Variants in CTIF observed in about 807,000 individuals in gnomAD.
CTIF encodes cap binding complex dependent translation initiation factor.
In CTIF, 21 loss-of-function variants were observed where a neutral mutation model predicts 66.0. The ratio of observed to expected loss-of-function variants is 0.32; its 90% CI spans 0.23 to 0.46. The LOEUF (loss-of-function observed/expected upper bound fraction) is 0.46, where lower values mean the gene tolerates loss of function less well. Ranked by LOEUF, CTIF falls within the 20% of genes least tolerant of loss-of-function variation. The probability of loss-of-function intolerance (pLI) is 1.00; values close to 1 mark genes in which losing one functional copy is unlikely to be tolerated. For synonymous variants in CTIF, 345 were observed against 326.4 expected (o/e 1.06, Z -0.62); for missense variants, 739 against 812.7 (o/e 0.91, Z 1.10).
intron 10 of CTIF, among the ~76,000 whole-genome samples, chr18:48,820,484 C>G (rs1039981553): frequency 1.3e-5 from 2 of 152,044 alleles, no homozygotes; most frequent in African/African-American, 4.8e-5. Flanking sequence ...GCCCTGAGAT[C>G]CCCCCAACTC....
intron 10 of CTIF, among the ~76,000 whole-genome samples, chr18:48,817,854 T>G (rs2068402414): frequency 6.6e-6 from 1 of 151,904 alleles, no homozygotes; most frequent in South Asian, 2.1e-4. Flanking sequence ...AGCCAGGTCT[T>G]TCTTCGTTGG....
At chr18:48,730,164 A>AGGGCCTCCACAGTGTGAG (rs1436700829) in intron 7 of CTIF, among the ~76,000 whole-genome samples, 2 of 151,706 alleles carry the variant, frequency 1.3e-5, no homozygotes, top group Non-Finnish European at 2.9e-5. Context: ...CATGTGGTGA[A>AGGGCCTCCACAGTGTGAG]GGGCCTCCAC....
At chr18:48,726,670 C>T (rs1316206956) in intron 7 of CTIF, among the ~76,000 whole-genome samples, 2 of 152,130 alleles carry the variant, frequency 1.3e-5, no homozygotes, top group Non-Finnish European at 2.9e-5. Flanking sequence ...AGCAGACAGA[C>T]AGACACCAAG....
chr18:48,604,492 A>G (rs902910839), intron 1 of CTIF, among the ~76,000 whole-genome samples: 2 of 151,998 alleles, frequency 1.3e-5, no homozygotes, highest in Non-Finnish European at 2.9e-5. Flanking sequence ...AAGGCTTGTC[A>G]TTGATGTTCT....
intron 1 of CTIF, among the ~76,000 whole-genome samples, chr18:48,602,764 G>C (rs1310754743): frequency 6.6e-6 from 1 of 152,186 alleles, no homozygotes; most frequent in East Asian, 1.9e-4. Flanking sequence ...GCTTGAGTTA[G>C]TGTTTTTTAA....
intron 7 of CTIF, among the ~76,000 whole-genome samples, chr18:48,746,831 C>A (rs138011484): frequency 6.6e-6 from 1 of 152,112 alleles, no homozygotes; most frequent in African/African-American, 2.4e-5. Flanking sequence ...ATCCCACCTG[C>A]AACCACTGCT....
At chr18:48,570,405 C>T (rs140863367) in intron 1 of CTIF, among the ~76,000 whole-genome samples, 2 of 152,320 alleles carry the variant, frequency 1.3e-5, no homozygotes, top group Non-Finnish European at 2.9e-5. Context: ...TACTGCATGC[C>T]AGGAACTGTG....
chr18:48,817,500 G>A, intron 10 of CTIF, 124 bp downstream of exon 10: 1 of 1,204,234 alleles, frequency 8.3e-7, no homozygotes, highest in Admixed American at 2.5e-5. Flanking sequence ...TCCGGGCCAG[G>A]CACGGTGGCT....
At chr18:48,749,928 G>A (rs2089353734) in intron 7 of CTIF, among the ~76,000 whole-genome samples, 2 of 152,190 alleles carry the variant, frequency 1.3e-5, no homozygotes, top group South Asian at 4.1e-4. Context: ...GAAGGGCGAG[G>A]GCCTTCCCCT....
chr18:48,634,613 T>C (rs1233519641), intron 2 of CTIF, among the ~76,000 whole-genome samples: 2 of 152,244 alleles, frequency 1.3e-5, no homozygotes, highest in African/African-American at 2.4e-5. Context: ...CTGGTAATGC[T>C]GCCTGAGGCA....
At chr18:48,834,755 A>G (rs1177132189) in intron 10 of CTIF, 7 of 152,634 alleles carry the variant, frequency 4.6e-5, no homozygotes, top group Admixed American at 4.6e-4. Context: ...GTGGTTTTCT[A>G]TCTCTAGCCG....
chr18:48,768,586 T>C (rs1331373126), intron 9 of CTIF, among the ~76,000 whole-genome samples: 1 of 152,028 alleles, frequency 6.6e-6, no homozygotes, highest in Non-Finnish European at 1.5e-5. Context: ...CTAAATAGGG[T>C]GTAAGGCTCA....
chr18:48,753,474 T>C (rs1478756597), intron 7 of CTIF, among the ~76,000 whole-genome samples: 2 of 152,184 alleles, frequency 1.3e-5, no homozygotes, highest in Admixed American at 1.3e-4. Flanking sequence ...TCCGAGAACA[T>C]TTTTGTCTTT....
chr18:48,841,495 G>A (rs2068940955), intron 10 of CTIF, among the ~76,000 whole-genome samples: 1 of 152,250 alleles, frequency 6.6e-6, no homozygotes, highest in African/African-American at 2.4e-5. Flanking sequence ...TTACCCAGAG[G>A]AGGAAAGGAC....
intron 10 of CTIF, among the ~76,000 whole-genome samples, chr18:48,846,443 GTGGA>G (rs149602850): frequency 0.13 from 20,206 of 152,064 alleles, 1,447 homozygotes; most frequent in African/African-American, 0.21. Flanking sequence ...ATGTTGCCGA[GTGGA>G]TGGATGGATG....
At chr18:48,853,379 G>A (rs1298074675) in intron 10 of CTIF, among the ~76,000 whole-genome samples, 1 of 152,118 alleles carries the variant, frequency 6.6e-6, no homozygotes, top group Non-Finnish European at 1.5e-5. Flanking sequence ...TGGATCTGCG[G>A]TGGCCAAGAA....
rs78807988 is a variant in CTIF at position 48,786,725 on chromosome 18, C to T, written c.1371+25036C>T. On this transcript the variant is annotated intron_variant, in intron 9 of 11. Transcript: ENST00000256413. ...TGCCTGTTCTTAGCTAGATCAGAAC[C>T]CCTGGGGTATGGAGTCCACACCTGG... 3.5e-3 allele frequency among the ~76,000 whole-genome samples: 532 copies of T among 152,242 alleles called. 1 individual carries two copies. The highest frequency in any genetic ancestry group is 5.9e-3 in the Non-Finnish European group (400 of 68,026).
chr18:48,615,480 G>A lies in CTIF; in HGVS notation c.-28-4058G>A, dbSNP rs147368058. Among the ~76,000 whole-genome samples, 60 of 152,372 alleles carry A rather than the reference G, an allele frequency of 3.9e-4. 1 individual carries two copies. In the East Asian group the frequency reaches 0.01, roughly 26 times the overall value. The stretch of plus-strand genomic sequence containing the variant: ...CTCCTGTTCCCCCTGGAAAACGAGA[G>A]TTCCTGGAGGAGCTGAAATCCCTGG... On this transcript the variant is annotated intron_variant, in intron 1 of 11. Coordinates refer to ENST00000256413, the MANE Select transcript of CTIF (RefSeq NM_014772.3).
At chr18:48,559,655 C>T (rs1376416131) in intron 1 of CTIF, among the ~76,000 whole-genome samples, 2 of 152,234 alleles carry the variant, frequency 1.3e-5, no homozygotes, top group African/African-American at 2.4e-5. Context: ...GGCACATTCT[C>T]ATGGCTGGCA....
Sources: allele counts gnomAD v4.1 joint callset (sites outside exome capture counted in the v4.1 genomes callset), GRCh38; gene constraint gnomAD v4.1.1; transcripts MANE v1.5; gene names NCBI Gene and HGNC (gene_info 2026-07-23, HGNC 2026-07-21).